Variants in ADCY1 observed in about 807,000 individuals in gnomAD.
ADCY1 encodes the protein adenylate cyclase 1, also known as adenylate cyclase type 1.
ADCY1 carries 28 observed loss-of-function variants against 105.4 expected under a neutral mutation model. That is an observed-to-expected ratio of 0.27 (90% CI 0.20 to 0.36). The LOEUF (loss-of-function observed/expected upper bound fraction) is 0.36. Ranked by LOEUF, ADCY1 falls within the 10% of genes least tolerant of loss-of-function variation. The pLI, the probability that ADCY1 is intolerant of heterozygous loss-of-function variation, is 1.00. For synonymous variants in ADCY1, 655 were observed against 623.8 expected, an observed-to-expected ratio of 1.05 and a Z score of -0.75; for missense variants, 977 against 1,434.2, an observed-to-expected ratio of 0.68 and a Z score of 5.15.
rs190296475 is a variant in ADCY1 at position 45,703,263 on chromosome 7, T to G, written c.2455-113T>G. The G allele has an allele frequency of 3.0e-4, 285 of 945,158 alleles. No homozygotes were observed. The highest frequency in any genetic ancestry group is 2.5e-3 in the Middle Eastern group (8 of 3,172). The allele number at this position is 945,158 out of a possible 1,614,324, so 58.5% of individuals were successfully genotyped here. A position where few individuals can be genotyped will look rare whatever the true frequency, so the allele number is the denominator to read the frequency against. On this transcript the variant is annotated intron_variant, in intron 14 of 19. Coordinates refer to ENST00000297323, the MANE Select transcript of ADCY1 (RefSeq NM_021116.4). This position sits in a 1 kb window ranked among gnomAD's most constrained non-coding sequence, Gnocchi z 5.9. ...GGGAGGAGGGACAGGAGCGTGGATG[T>G]AGACCATCAGCACACCTGGAGTCCA...
intron 2 of ADCY1, among the ~76,000 whole-genome samples, chr7:45,605,490 C>T (rs1215279986): frequency 6.6e-6 from 1 of 151,266 alleles, no homozygotes; most frequent in Non-Finnish European, 1.5e-5. Flanking sequence ...TTTCTATTTT[C>T]ATTTTTCTGG....
rs1470779660 is a variant in ADCY1 at position 45,721,588 on chromosome 7, T to C, written c.*7593T>C. ...AGTTCTGTGAGCTATGGGAAGGCCA[T>C]TGGTTGTATTTGCTACTTTTACTTT... On this transcript the variant is annotated 3_prime_UTR_variant, in exon 20 of 20. Transcript: ENST00000297323. The C allele has an allele frequency of 2.5e-6, 1 of 397,806 alleles. No individual in the cohort carries two copies. Among genetic ancestry groups the C allele is most frequent in the East Asian group, 3.6e-5 (1 of 28,048 alleles). 24.6% of individuals were successfully genotyped at this position (397,806 alleles called of 1,614,324 possible).
At chr7:45,613,210 C>A (rs1793640420) in intron 3 of ADCY1, among the ~76,000 whole-genome samples, 2 of 152,134 alleles carry the variant, frequency 1.3e-5, no homozygotes, top group African/African-American at 4.8e-5. Context: ...AATGCATGAA[C>A]AAAGTGAGAA....
chr7:45,634,425 GT>G (rs35387539), intron 4 of ADCY1, among the ~76,000 whole-genome samples: 50,051 of 136,408 alleles, frequency 0.37, 8,671 homozygotes, highest in South Asian at 0.49. Flanking sequence ...AGTTTGCTGA[GT>G]TTTTTTTTTT....
At chr7:45,670,143 T>C (rs1784336450) in intron 8 of ADCY1, among the ~76,000 whole-genome samples, 1 of 152,202 alleles carries the variant, frequency 6.6e-6, no homozygotes, top group African/African-American at 2.4e-5. Context: ...GTTAATATGG[T>C]CAGTGATATC....
intron 6 of ADCY1, 31 bp downstream of exon 6, chr7:45,657,916 G>GTT: frequency 2.0e-6 from 1 of 502,918 alleles, no homozygotes; most frequent in Non-Finnish European, 4.0e-6. Context: ...GGAGGGGAGG[G>GTT]AGGTGGGTGA....
intron 4 of ADCY1, among the ~76,000 whole-genome samples, chr7:45,627,949 A>G (rs1346106052): frequency 6.6e-6 from 1 of 152,158 alleles, no homozygotes; most frequent in Non-Finnish European, 1.5e-5. Context: ...AAGCTCCCCA[A>G]GACCCCCGGC....
rs1202923904 is a variant in ADCY1, at chr7:45,710,517, C to T, written c.2933-11C>T. On this transcript the variant is annotated splice_polypyrimidine_tract_variant and intron_variant, in intron 18 of 19. Coordinates refer to ENST00000297323, the MANE Select transcript of ADCY1 (RefSeq NM_021116.4). The surrounding 1 kb of genome is among the most constrained non-coding windows in gnomAD (Gnocchi z 4.7). ...CCGCTGATGACAGGTCATGCGCTGG[C>T]TGTTTTCTAGGCATCAATGTTGGCC... The T allele has an allele frequency of 1.2e-6, 2 of 1,613,128 alleles. No individual in the cohort carries two copies. The highest frequency in any genetic ancestry group is 1.3e-5 in the African/African-American group (1 of 75,008).
chr7:45,666,051 G>A lies in ADCY1; in HGVS notation c.1605+3837G>A, dbSNP rs115289041. Among the ~76,000 whole-genome samples, 107 of 152,226 alleles carry A rather than the reference G, an allele frequency of 7.0e-4. 1 individual carries two copies. The highest frequency in any genetic ancestry group is 2.3e-3 in the African/African-American group (96 of 41,534). On this transcript the variant is annotated intron_variant, in intron 8 of 19. Transcript: ENST00000297323. ...CGCACCACTGATGCACCTGAGCCTT[G>A]GTTTCCTGAATGGAGTCAGCTCTGT...
chr7:45,657,647 G>T, intron 5 of ADCY1, 80 bp from the exon 6 acceptor site: 1 of 1,450,892 alleles, frequency 6.9e-7, no homozygotes, highest in Non-Finnish European at 9.4e-7. Context: ...GGTGCTCACA[G>T]CCTAGCAGTG....
chr7:45,620,701 A>G (rs937036958), intron 3 of ADCY1, among the ~76,000 whole-genome samples: 2 of 152,376 alleles, frequency 1.3e-5, no homozygotes, highest in African/African-American at 4.8e-5. Flanking sequence ...AAAACGAGTT[A>G]TCATCTACAA....
At chr7:45,641,737 C>T (rs7807421) in intron 4 of ADCY1, among the ~76,000 whole-genome samples, 58,506 of 144,744 alleles carry the variant, frequency 0.4, 12,167 homozygotes, top group East Asian at 0.7. Context: ...CCATCCTGGC[C>T]AACAAGGTGA....
chr7:45,711,361 C>T (rs78490752), intron 19 of ADCY1, among the ~76,000 whole-genome samples: 141 of 152,058 alleles, frequency 9.3e-4, no homozygotes, highest in African/African-American at 3.3e-3. Context: ...CAGCTATTCA[C>T]GGGGGCAGTT....
In ADCY1 at chr7:45,678,261, A is replaced by G. The variant is rs1445355693; in HGVS notation, c.1896A>G (p.Pro632=). The G allele has an allele frequency of 1.2e-6, 2 of 1,611,184 alleles. No homozygotes were observed. Among genetic ancestry groups the G allele is most frequent in the African/African-American group, 2.7e-5 (2 of 74,804 alleles). ...LFGLVYLLIF[P]QSVVVLLLLV... ...GCCTTGTCTACCTTCTAATATTCCC[A>G]CAGTGAGTATTTCTATCAACGAGGT... is the stretch of plus-strand genomic sequence containing the variant. The change falls in exon 10 of 20, where the codon CCA becomes CCG. Residue 632 remains proline (P), a splice_region_variant and synonymous_variant. Transcript: ENST00000297323.
rs1041346676 is a variant in ADCY1, at chr7:45,575,623, A to G, written c.639+441A>G. 2.6e-5 allele frequency among the ~76,000 whole-genome samples: 4 copies of G among 152,258 alleles called. No individual in the cohort carries two copies. The highest frequency in any genetic ancestry group is 2.0e-4 in the Admixed American group (3 of 15,294). The stretch of plus-strand genomic sequence containing the variant: ...CGCTGGGCTCTTCCCCTGCGCACCT[A>G]GAGCGCGTGCTGGGCTCGCCTCCCA... On this transcript the variant is annotated intron_variant, in intron 1 of 19. Transcript: ENST00000297323. The surrounding 1 kb of genome is among the most constrained non-coding windows in gnomAD (Gnocchi z 4.7).
At chr7:45,579,212 C>T (rs1792445581) in intron 1 of ADCY1, among the ~76,000 whole-genome samples, 1 of 152,158 alleles carries the variant, frequency 6.6e-6, no homozygotes, top group African/African-American at 2.4e-5. Context: ...GCGCTGGTGA[C>T]ACCAATCTGC....
Position 45,647,994 on chromosome 7 carries a change from A to C in ADCY1, c.1021-676A>C, listed in dbSNP as rs1444295300. On this transcript the variant is annotated intron_variant, in intron 4 of 19. Coordinates refer to ENST00000297323, the MANE Select transcript of ADCY1 (RefSeq NM_021116.4). This position sits in a 1 kb window ranked among gnomAD's most constrained non-coding sequence, Gnocchi z 4.6. ...ACACAACAGTCGTGATGATAATCCC[A>C]GTTGACACTGATTGATCCAAGTAAG... 6.6e-6 allele frequency among the ~76,000 whole-genome samples: 1 copy of C among 152,242 alleles called. No homozygotes were observed. Among genetic ancestry groups the C allele is most frequent in the Non-Finnish European group, 1.5e-5 (1 of 68,046 alleles).
At chr7:45,598,954 C>T (rs1793146856) in intron 2 of ADCY1, among the ~76,000 whole-genome samples, 1 of 152,188 alleles carries the variant, frequency 6.6e-6, no homozygotes, top group Admixed American at 6.5e-5. Flanking sequence ...CTTCTTGGTG[C>T]CGAAGTGGAT....
chr7:45,659,418 A>G (rs889005336), intron 6 of ADCY1, among the ~76,000 whole-genome samples: 1 of 152,230 alleles, frequency 6.6e-6, no homozygotes, highest in Non-Finnish European at 1.5e-5. Context: ...CTGCGAGCTC[A>G]GGCGTGCCCT....
Sources: allele counts gnomAD v4.1 joint callset (sites outside exome capture counted in the v4.1 genomes callset), GRCh38; gene constraint gnomAD v4.1.1; non-coding constraint Gnocchi (gnomAD v3.1); transcripts MANE v1.5; gene names NCBI Gene and HGNC (gene_info 2026-07-23, HGNC 2026-07-21).